TPCN2: variants seen among roughly 807,000 people sequenced by gnomAD.
The protein encoded by TPCN2 is two pore segment channel 2.
In TPCN2, 92 loss-of-function variants were observed where a neutral mutation model predicts 111.4. The observed-to-expected ratio is 0.83, with a 90% CI of 0.70 to 0.98. TPCN2 has a LOEUF of 0.98. Ranked by LOEUF, TPCN2 falls within the 50% of genes least tolerant of loss-of-function variation. TPCN2 has a pLI of 0.00. For synonymous variants in TPCN2, 405 were observed against 414.5 expected (o/e 0.98, Z 0.28); for missense variants, 995 against 980.1 (o/e 1.02, Z -0.20).
At chr11:69,058,115 A>C (rs1166903624) in intron 5 of TPCN2, among the ~76,000 whole-genome samples, 2 of 152,042 alleles carry the variant, frequency 1.3e-5, no homozygotes, top group Non-Finnish European at 2.9e-5. Context: ...ACCCGGCCAC[A>C]CTCAGCCCTT....
chr11:69,083,904 G>A lies in TPCN2; in HGVS notation c.1690-41G>A, dbSNP rs200058419. The A allele has an allele frequency of 6.3e-6, 10 of 1,594,202 alleles. No homozygotes were observed. The South Asian group carries it at 6.6e-5, about 11-fold the overall frequency. The stretch of plus-strand genomic sequence containing the variant: ...GGCCGGGATGGTGTCCCCTCAGTGG[G>A]GCCAGGAGGAGTAAGGGCTGTGCTC... On this transcript the variant is annotated intron_variant, in intron 18 of 24. Transcript: ENST00000294309.
In TPCN2 at chr11:69,072,627, A is replaced by G. The variant is rs765534641; in HGVS notation, c.1062A>G (p.Ala354=). Residue 354 remains alanine (A), a splice_region_variant and synonymous_variant, in exon 12 of 25, where the codon GCA becomes GCG. Transcript: ENST00000294309. ...MVGEGGAFPQ[A]VGVKPQNLLQ... is the part of the protein sequence containing the mutation. ...CCGGGCTGTGGGTTTTTCCCTGCAG[A>G]GTTGGGGTGAAGCCCCAGAACTTGC... 1.5e-5 allele frequency: 25 copies of G among 1,613,752 alleles called. No homozygotes were observed. The highest frequency in any genetic ancestry group is 2.0e-5 in the Non-Finnish European group (24 of 1,179,944).
rs1855556775 is a variant in TPCN2, at chr11:69,071,954, G to A, written c.992G>A (p.Arg331Gln). Residue 331 changes from arginine to glutamine, a missense_variant, in exon 11 of 25, where the codon CGG becomes CAG. Transcript: ENST00000294309. ...KSLQTSLFRRRLGTRAAFEVL... is the reference protein window; with the variant it reads ...KSLQTSLFRRQLGTRAAFEVL... ...CTCCAGACCTCGCTGTTTCGGAGGCGGCTGGGAACCCGGGCTGCCTTTGAA... is the reference window on the plus strand; with the variant it reads ...CTCCAGACCTCGCTGTTTCGGAGGCAGCTGGGAACCCGGGCTGCCTTTGAA... 4 of 1,614,026 alleles carry A rather than the reference G, an allele frequency of 2.5e-6. No homozygotes were observed. Among genetic ancestry groups the A allele is most frequent in the South Asian group, 1.1e-5 (1 of 91,072 alleles).
rs1854832028 is a variant in TPCN2 at position 69,057,567 on chromosome 11, C to T, written c.430-11C>T. ...GGCTACTTGCTGCTCACCCGCCCGT[C>T]TATCTTGCAGGGTTACCTGTTCGGG... On this transcript the variant is annotated splice_polypyrimidine_tract_variant and intron_variant, in intron 4 of 24. Transcript: ENST00000294309. The T allele has an allele frequency of 1.2e-6, 2 of 1,613,144 alleles. No individual in the cohort carries two copies. The highest frequency in any genetic ancestry group is 1.7e-5 in the Admixed American group (1 of 60,024).
In TPCN2 at chr11:69,085,896, G is replaced by C. The variant is rs746665478; in HGVS notation, c.1969G>C (p.Val657Leu). 1.2e-6 allele frequency: 2 copies of C among 1,614,094 alleles called. No individual in the cohort carries two copies. Among genetic ancestry groups the C allele is most frequent in the Non-Finnish European group, 1.7e-6 (2 of 1,180,032 alleles). ...WNLMVVNNWQVFLDAYRRYSG... is the reference protein window; with the variant it reads ...WNLMVVNNWQLFLDAYRRYSG... ...CTTGATGGTGGTGAACAACTGGCAG[G>C]TGTTTCTGGATGCATATCGGCGCTA... Residue 657 changes from valine (V) to leucine (L), a missense_variant, in exon 22 of 25, where the codon GTG (valine) becomes CTG (leucine). Coordinates refer to ENST00000294309, the MANE Select transcript of TPCN2 (RefSeq NM_139075.4).
At chr11:69,086,489 C>G in intron 22 of TPCN2, 34 bp from the exon 23 acceptor site, 1 of 1,587,502 alleles carries the variant, frequency 6.3e-7, no homozygotes, top group Non-Finnish European at 8.7e-7. Flanking sequence ...CTTTGCTCAT[C>G]GTGGTTCACA....
intron 7 of TPCN2, among the ~76,000 whole-genome samples, chr11:69,067,137 G>A (rs375244277): frequency 6.3e-4 from 96 of 152,292 alleles, no homozygotes; most frequent in African/African-American, 2.2e-3. Context: ...TGCTCCTCCT[G>A]CCCCTCCTGC....
At chr11:69,074,483 C>G (rs1050470852) in intron 13 of TPCN2, among the ~76,000 whole-genome samples, 2 of 152,196 alleles carry the variant, frequency 1.3e-5, no homozygotes, top group Admixed American at 6.5e-5. Context: ...GCAGATTTCA[C>G]AGAAACTGTG....
intron 13 of TPCN2, among the ~76,000 whole-genome samples, chr11:69,074,644 C>T (rs930467354): frequency 7.9e-5 from 12 of 152,122 alleles, no homozygotes; most frequent in Admixed American, 5.2e-4. Context: ...TTAACCCAGA[C>T]GGACACCTTG....
At position 69,086,562 on chromosome 11, in the gene TPCN2, G is replaced by A. The variant is rs548729497; in HGVS notation, c.2043G>A (p.Ser681=). Residue 681 remains serine, a synonymous_variant, in exon 23 of 25, where the codon TCG becomes TCA. Coordinates refer to ENST00000294309, the MANE Select transcript of TPCN2 (RefSeq NM_139075.4). ...KIYFVLWWLV[S]SVIWVNLFLA... is the part of the protein sequence containing the mutation. Reference sequence around the variant, plus strand: ...ATTTTGTATTGTGGTGGCTGGTGTCGTCTGTCATCTGGGTCAACCTGTTTC... The same window carrying A: ...ATTTTGTATTGTGGTGGCTGGTGTCATCTGTCATCTGGGTCAACCTGTTTC... 70 of 1,614,108 alleles carry A rather than the reference G, an allele frequency of 4.3e-5. 1 individual carries two copies. Among genetic ancestry groups the A allele is most frequent in the South Asian group, 3.6e-4 (33 of 91,074 alleles).
chr11:69,062,862 C>G, intron 5 of TPCN2, 22 bp from the exon 6 acceptor site: 1 of 1,609,940 alleles, frequency 6.2e-7, no homozygotes, highest in African/African-American at 1.3e-5. Context: ...ACGTGGTCCT[C>G]AGTTTCCTGG....
intron 20 of TPCN2, 34 bp downstream of exon 20, chr11:69,085,320 C>A: frequency 7.2e-7 from 1 of 1,387,468 alleles, no homozygotes; most frequent in Non-Finnish European, 1.0e-6. Context: ...CAGGGAGTGT[C>A]TCAGGGGTGC....
intron 8 of TPCN2, among the ~76,000 whole-genome samples, chr11:69,068,687 AC>A (rs1855377929): frequency 1.6e-4 from 3 of 18,632 alleles, no homozygotes; most frequent in Non-Finnish European, 2.6e-4. Context: ...CTAGGAAGTG[AC>A]CGCAGTGGGA....
intron 3 of TPCN2, 68 bp downstream of exon 3, chr11:69,054,865 C>T: frequency 1.3e-6 from 2 of 1,508,692 alleles, no homozygotes; most frequent in Non-Finnish European, 1.8e-6. Flanking sequence ...CTGGCCCCCA[C>T]CTGGGGATCA....
At chr11:69,076,239 C>CG (rs1855746600) in intron 13 of TPCN2, among the ~76,000 whole-genome samples, 1 of 152,100 alleles carries the variant, frequency 6.6e-6, no homozygotes, top group Non-Finnish European at 1.5e-5. Context: ...CTGGCTTCCC[C>CG]GGGCTGCGGT....
At position 69,086,154 on chromosome 11, in the gene TPCN2, C is replaced by T. The variant is rs569147251; in HGVS notation, c.2003+224C>T. On this transcript the variant is annotated intron_variant, in intron 22 of 24. Transcript: ENST00000294309. The stretch of plus-strand genomic sequence containing the variant: ...ATGGTGGCCAGTGACTCTGGGTTTA[C>T]ACCTCCTGGAGGTCGTTGGTGTGTT... Among the ~76,000 whole-genome samples the T allele has an allele frequency of 5.3e-5, 8 of 152,312 alleles. No homozygotes were observed. The South Asian group carries it at 8.3e-4, about 16-fold the overall frequency.
chr11:69,076,995 TCCTGCCACGTCCCTCCA>T, intron 13 of TPCN2, among the ~76,000 whole-genome samples: 1 of 97,950 alleles, frequency 1.0e-5, no homozygotes, highest in Middle Eastern at 7.9e-3. Flanking sequence ...CCACCTGCCC[TCCTGCCACGTCCCTCCA>T]CCTGCCCTCC....
chr11:69,078,817 T>C lies in TPCN2; in HGVS notation c.1410+24T>C, dbSNP rs1426994212. The C allele has an allele frequency of 2.5e-6, 4 of 1,614,126 alleles. No homozygotes were observed. In the Admixed American group the frequency reaches 5.0e-5, roughly 20 times the overall value. ...GGGTAAGTTCTGAGCTGTCCACCTG[T>C]CAGGGCCAGGGTGAGGCTGGGCAGT... On this transcript the variant is annotated intron_variant, in intron 15 of 24. Coordinates refer to ENST00000294309, the MANE Select transcript of TPCN2 (RefSeq NM_139075.4).
At chr11:69,087,443 A>G (rs924074458) in intron 24 of TPCN2, among the ~76,000 whole-genome samples, 1 of 152,164 alleles carries the variant, frequency 6.6e-6, no homozygotes, top group Non-Finnish European at 1.5e-5. Context: ...TGGATTGGGC[A>G]TATTTAAGGC....
Sources: allele counts gnomAD v4.1 joint callset (sites outside exome capture counted in the v4.1 genomes callset), GRCh38; gene constraint gnomAD v4.1.1; transcripts MANE v1.5; gene names NCBI Gene and HGNC (gene_info 2026-07-23, HGNC 2026-07-21).